Variants in CFAP107 observed in about 807,000 individuals in gnomAD.
The protein encoded by CFAP107 is cilia- and flagella-associated protein 107.
chr1:12,746,489 C>G, the CFAP107 span: 1 of 1,613,670 alleles, frequency 6.2e-7, no homozygotes, highest in Non-Finnish European at 8.5e-7. Context: ...CAGATTGAGA[C>G]CAAGTATTCA....
chr1:12,750,794 G>C, the CFAP107 span, among the ~76,000 whole-genome samples: 2 of 151,532 alleles, frequency 1.3e-5, no homozygotes. Context: ...CAACCCTATA[G>C]ATCAATTGGA....
At chr1:12,755,514 C>T in the CFAP107 span, among the ~76,000 whole-genome samples, 11 of 152,272 alleles carry the variant, frequency 7.2e-5, no homozygotes, top group South Asian at 1.7e-3. Flanking sequence ...ACAGCTCTTC[C>T]CGGGGGTGCC....
chr1:12,755,938 C>T, the CFAP107 span: 18 of 644,602 alleles, frequency 2.8e-5, no homozygotes, highest in Non-Finnish European at 5.0e-5. Flanking sequence ...CATTAATACC[C>T]TCCCAGCCCG....
At chr1:12,755,489 C>G in the CFAP107 span, among the ~76,000 whole-genome samples, 18 of 152,034 alleles carry the variant, frequency 1.2e-4, no homozygotes, top group Non-Finnish European at 2.4e-4. Context: ...GATGAGGTGA[C>G]CAGGGGAGCC....
chr1:12,748,054 T>C, the CFAP107 span, among the ~76,000 whole-genome samples: 3 of 152,222 alleles, frequency 2.0e-5, no homozygotes. Flanking sequence ...AATTCCATGA[T>C]GTTTTTACTT....
chr1:12,755,462 A>G, the CFAP107 span, among the ~76,000 whole-genome samples: 9 of 151,870 alleles, frequency 5.9e-5, no homozygotes, highest in Admixed American at 2.0e-4. Flanking sequence ...AAGATGAGAA[A>G]GGACACAGGT....
At chr1:12,753,577 C>A in the CFAP107 span, 1 of 152,102 alleles carries the variant, frequency 6.6e-6, no homozygotes, top group Non-Finnish European at 1.5e-5. Context: ...TATATACGGT[C>A]AAATGACTCT....
the CFAP107 span, chr1:12,760,645 G>A: frequency 2.1e-6 from 2 of 953,236 alleles, no homozygotes; most frequent in Admixed American, 2.6e-5. Flanking sequence ...GCCAGCCTTG[G>A]TCCCTGACAG....
the CFAP107 span, among the ~76,000 whole-genome samples, chr1:12,751,642 GCAAA>G: frequency 6.6e-6 from 1 of 151,866 alleles, no homozygotes; most frequent in Non-Finnish European, 1.5e-5. Context: ...AAACAAGCAA[GCAAA>G]CAAAGAGAAA....
chr1:12,750,051 A>C, the CFAP107 span, among the ~76,000 whole-genome samples: 1 of 152,240 alleles, frequency 6.6e-6, no homozygotes. Flanking sequence ...TATGTAAATG[A>C]GTCTGCATTA....
At chr1:12,761,196 C>T in the CFAP107 span, 1 of 414,332 alleles carries the variant, frequency 2.4e-6, no homozygotes, top group East Asian at 3.8e-5. Context: ...GTGCACAAGA[C>T]AGATTCAGAC....
At chr1:12,746,779 C>T in the CFAP107 span, among the ~76,000 whole-genome samples, 48 of 152,262 alleles carry the variant, frequency 3.2e-4, 2 homozygotes, top group African/African-American at 1.0e-3. Context: ...AGACCACTGA[C>T]ACTCTCTTAC....
chr1:12,757,542 C>T, the CFAP107 span, among the ~76,000 whole-genome samples: 1 of 152,110 alleles, frequency 6.6e-6, no homozygotes, highest in South Asian at 2.1e-4. Context: ...GCCAACACAG[C>T]TGGCTAATTT....
chr1:12,757,705 G>C, the CFAP107 span, among the ~76,000 whole-genome samples: 4 of 151,962 alleles, frequency 2.6e-5, no homozygotes, highest in Non-Finnish European at 5.9e-5. Flanking sequence ...TATTTTTAAG[G>C]TTTCTGTTCA....
the CFAP107 span, among the ~76,000 whole-genome samples, chr1:12,760,453 G>C: frequency 6.6e-6 from 1 of 152,194 alleles, no homozygotes; most frequent in African/African-American, 2.4e-5. Context: ...CTTCCCGACA[G>C]GGGTGGGACA....
the CFAP107 span, chr1:12,755,727 C>T: frequency 1.1e-4 from 174 of 1,613,602 alleles, no homozygotes; most frequent in Non-Finnish European, 3.9e-5. Context: ...CAAGACACCC[C>T]AATCCATTTA....
At chr1:12,757,756 C>T in the CFAP107 span, among the ~76,000 whole-genome samples, 1 of 152,100 alleles carries the variant, frequency 6.6e-6, no homozygotes, top group Admixed American at 6.6e-5. Flanking sequence ...CATAACCCTG[C>T]TTCCACACAG....
the CFAP107 span, chr1:12,760,860 C>T: frequency 5.0e-6 from 8 of 1,613,994 alleles, no homozygotes; most frequent in African/African-American, 9.3e-5. Context: ...TATACTTCAT[C>T]CTACCCCAGA....
the CFAP107 span, among the ~76,000 whole-genome samples, chr1:12,756,260 A>C: frequency 6.6e-6 from 1 of 152,188 alleles, no homozygotes; most frequent in Non-Finnish European, 1.5e-5. Context: ...TTGACTGGGC[A>C]CTTGTCTAGG....
Sources: gnomAD v4.1 joint callset for allele counts (sites outside exome capture counted in the v4.1 genomes callset) on GRCh38, gnomAD v4.1.1 for gene constraint, MANE v1.5 for transcripts, NCBI Gene and HGNC (gene_info 2026-07-23, HGNC 2026-07-21) for gene names.